The following LRP1B variants were observed in gnomAD, a reference collection of about 807,000 sequenced individuals.
LRP1B encodes LDL receptor related protein 1B, also known as low-density lipoprotein receptor-related protein 1B.
In LRP1B, 217 loss-of-function variants were observed where a neutral mutation model predicts 556.6. The observed-to-expected ratio is 0.39, with a 90% CI of 0.35 to 0.44. The LOEUF (loss-of-function observed/expected upper bound fraction) is 0.44. LRP1B is among the 20% of genes least tolerant of loss of function. The probability of loss-of-function intolerance (pLI) is 1.00; values close to 1 mark genes in which losing one functional copy is unlikely to be tolerated. For synonymous variants in LRP1B, 2,047 were observed against 1,865.8 expected, an observed-to-expected ratio of 1.10 and a Z score of -2.50; for missense variants, 5,053 against 5,620.8, an observed-to-expected ratio of 0.90 and a Z score of 3.23.
At chr2:141,073,599 G>A (rs1381829198) in intron 7 of LRP1B, among the ~76,000 whole-genome samples, 1 of 152,018 alleles carries the variant, frequency 6.6e-6, no homozygotes, top group Admixed American at 6.6e-5. Flanking sequence ...CATAAACACA[G>A]TTGTTTTGTT....
chr2:140,337,811 C>T (rs1220354335), intron 77 of LRP1B, among the ~76,000 whole-genome samples: 1 of 151,748 alleles, frequency 6.6e-6, no homozygotes, highest in Non-Finnish European at 1.5e-5. Flanking sequence ...ATGCAAGTTC[C>T]ACTTCTGTTG....
intron 2 of LRP1B, among the ~76,000 whole-genome samples, chr2:141,514,454 T>C (rs1404017337): frequency 6.6e-6 from 1 of 152,130 alleles, no homozygotes; most frequent in African/African-American, 2.4e-5. Context: ...ATTGCATGTG[T>C]TTTGTTGTGT....
At chr2:141,821,195 C>T (rs371269728) in intron 1 of LRP1B, among the ~76,000 whole-genome samples, 65 of 152,200 alleles carry the variant, frequency 4.3e-4, no homozygotes, top group Non-Finnish European at 5.7e-4. Context: ...CTGACTCCCA[C>T]GCTGTAAGAC....
At chr2:140,342,391 A>G (rs1363225643) in intron 77 of LRP1B, among the ~76,000 whole-genome samples, 1 of 151,548 alleles carries the variant, frequency 6.6e-6, no homozygotes, top group Non-Finnish European at 1.5e-5. Flanking sequence ...CATTATTAGG[A>G]TCTCTATCAT....
rs774378636 is a variant in LRP1B, at chr2:140,702,566, T to C, written c.6024-13A>G. The C allele has an allele frequency of 3.1e-6, 5 of 1,611,512 alleles. No homozygotes were observed. In the South Asian group the frequency reaches 5.5e-5, roughly 18 times the overall value. The stretch of plus-strand genomic sequence containing the variant: ...CCAGAACAAGAGGCTGAAATTAAAT[T>C]GTTAATTTGTAGTGTTTATGTACAT... On this transcript the variant is annotated splice_polypyrimidine_tract_variant and intron_variant, in intron 37 of 90. Coordinates refer to ENST00000389484, the MANE Select transcript of LRP1B (RefSeq NM_018557.3).
intron 41 of LRP1B, among the ~76,000 whole-genome samples, chr2:140,627,206 T>C (rs4954843): frequency 0.23 from 34,774 of 151,938 alleles, 4,302 homozygotes; most frequent in Admixed American, 0.3. Flanking sequence ...TAATAATGAG[T>C]GTCGACTTGA....
chr2:140,533,381 C>G lies in LRP1B; in HGVS notation c.7762+640G>C, dbSNP rs142572521. Among the ~76,000 whole-genome samples the G allele has an allele frequency of 2.1e-3, 326 of 152,190 alleles. 1 individual carries two copies. Among genetic ancestry groups the G allele is most frequent in the African/African-American group, 7.5e-3 (313 of 41,522 alleles). The stretch of plus-strand genomic sequence containing the variant: ...GTTAAGTGTGATATCCAAATTTAGA[C>G]AGTAAAGTGTTGGGGCAGCAGTTCT... On this transcript the variant is annotated intron_variant, in intron 47 of 90. Transcript: ENST00000389484.
chr2:141,112,216 C>CT (rs568137513), intron 7 of LRP1B, among the ~76,000 whole-genome samples: 10 of 152,224 alleles, frequency 6.6e-5, no homozygotes, highest in African/African-American at 2.4e-4. Context: ...ATAGCAGTGT[C>CT]TTTTGTGGTC....
intron 32 of LRP1B, among the ~76,000 whole-genome samples, chr2:140,789,059 T>C (rs778904559): frequency 1.3e-5 from 2 of 152,188 alleles, no homozygotes; most frequent in African/African-American, 4.8e-5. Flanking sequence ...TTGTTTAAGA[T>C]ACCCAGCTTG....
chr2:140,316,498 G>A (rs1361988473), intron 82 of LRP1B, among the ~76,000 whole-genome samples: 2 of 152,018 alleles, frequency 1.3e-5, no homozygotes, highest in Admixed American at 6.6e-5. Context: ...TGTCATGTAG[G>A]CAGGATTCAG....
At chr2:141,442,927 T>A (rs1473605307) in intron 3 of LRP1B, among the ~76,000 whole-genome samples, 3 of 152,112 alleles carry the variant, frequency 2.0e-5, no homozygotes, top group East Asian at 1.9e-4. Context: ...TGATTTATAA[T>A]CTTTAGGTAT....
At chr2:140,375,938 A>G (rs781041906) in intron 68 of LRP1B, among the ~76,000 whole-genome samples, 2 of 152,084 alleles carry the variant, frequency 1.3e-5, no homozygotes, top group Non-Finnish European at 2.9e-5. Flanking sequence ...ACAGAAACTT[A>G]TCTTCACAAT....
intron 11 of LRP1B, among the ~76,000 whole-genome samples, chr2:141,033,137 C>A (rs1698428143): frequency 1.3e-5 from 2 of 151,594 alleles, no homozygotes; most frequent in South Asian, 2.1e-4. Flanking sequence ...GTGGTAAAGG[C>A]CCTGAGGTGG....
At chr2:140,433,662 ATTAAT>A (rs1686049444) in intron 66 of LRP1B, among the ~76,000 whole-genome samples, 1 of 152,204 alleles carries the variant, frequency 6.6e-6, no homozygotes, top group African/African-American at 2.4e-5. Flanking sequence ...GTAACTTTTT[ATTAAT>A]TTAGTTTAAA....
intron 35 of LRP1B, among the ~76,000 whole-genome samples, chr2:140,747,138 T>A (rs985009854): frequency 1.3e-5 from 2 of 152,106 alleles, no homozygotes; most frequent in African/African-American, 4.8e-5. Context: ...GCAAAAAGCA[T>A]CAATATTGCT....
chr2:140,814,354 C>T (rs565517307), intron 31 of LRP1B, among the ~76,000 whole-genome samples: 26 of 152,220 alleles, frequency 1.7e-4, no homozygotes, highest in Admixed American at 7.2e-4. Flanking sequence ...GGATTACCAA[C>T]ATAATCTGTG....
chr2:140,786,756 G>T (rs892824405), intron 32 of LRP1B, among the ~76,000 whole-genome samples: 4 of 152,146 alleles, frequency 2.6e-5, no homozygotes, highest in African/African-American at 9.7e-5. Flanking sequence ...TATATTGAGA[G>T]ACTTGTGTCA....
chr2:141,728,395 A>G (rs1693129505), intron 2 of LRP1B, among the ~76,000 whole-genome samples: 1 of 152,040 alleles, frequency 6.6e-6, no homozygotes, highest in Non-Finnish European at 1.5e-5. Flanking sequence ...GACTTCAATC[A>G]GGGGCCTCCA....
chr2:141,053,828 ATGTGTG>A (rs59661474), intron 10 of LRP1B, among the ~76,000 whole-genome samples: 4 of 150,130 alleles, frequency 2.7e-5, no homozygotes, highest in Non-Finnish European at 5.9e-5. Context: ...GTGTGTATAT[ATGTGTG>A]TGTGTGTGTG....
Sources: gnomAD v4.1 joint callset for allele counts (sites outside exome capture counted in the v4.1 genomes callset) on GRCh38, gnomAD v4.1.1 for gene constraint, MANE v1.5 for transcripts, NCBI Gene and HGNC (gene_info 2026-07-23, HGNC 2026-07-21) for gene names.